The following STK35 variants were observed in gnomAD, a reference collection of about 807,000 sequenced individuals.
STK35 encodes serine/threonine kinase 35.
A neutral mutation model predicts 37.3 loss-of-function variants in STK35; 17 were observed. The observed-to-expected ratio is 0.46, with a 90% CI of 0.31 to 0.68. The LOEUF is 0.68. Ranked by LOEUF, STK35 falls within the 30% of genes least tolerant of loss-of-function variation. The pLI is 0.05. For synonymous variants in STK35, 385 were observed against 319.1 expected, an observed-to-expected ratio of 1.21 and a Z score of -2.20; for missense variants, 595 against 746.7, an observed-to-expected ratio of 0.80 and a Z score of 2.37.
intron 3 of STK35, among the ~76,000 whole-genome samples, chr20:2,121,456 A>G (rs555914247): frequency 1.2e-4 from 18 of 152,342 alleles, no homozygotes; most frequent in East Asian, 3.9e-4. Context: ...TAGAGCTGCC[A>G]TTAAATAAGA....
chr20:2,103,447 C>A, intron 2 of STK35, 82 bp downstream of exon 2: 1 of 1,342,618 alleles, frequency 7.4e-7, no homozygotes, highest in Non-Finnish European at 1.0e-6. Context: ...CTGTTCCTGG[C>A]CTTCCTAGGC....
At chr20:2,130,708 G>A (rs1600615920) in intron 3 of STK35, among the ~76,000 whole-genome samples, 2 of 152,130 alleles carry the variant, frequency 1.3e-5, no homozygotes, top group South Asian at 2.1e-4. Context: ...TTAGGGAAAG[G>A]CATACAGGGG....
chr20:2,133,327 T>C (rs1986030933), intron 3 of STK35, among the ~76,000 whole-genome samples: 1 of 152,226 alleles, frequency 6.6e-6, no homozygotes, highest in Admixed American at 6.5e-5. Flanking sequence ...GGGCTCTTTC[T>C]TTGCTAATCA....
rs1444076010 is a variant in STK35, at chr20:2,148,045, G to A, written c.*4299G>A. On this transcript the variant is annotated 3_prime_UTR_variant, in exon 4 of 4. Transcript: ENST00000381482. ...TGTTAGCATCTACAGCCATCACCGA[G>A]ATGAGTCCACTGCCGTTGCCTGCCC... 7.4e-6 allele frequency: 1 copy of A among 134,930 alleles called. No individual in the cohort carries two copies. Among genetic ancestry groups the A allele is most frequent in the Non-Finnish European group, 1.6e-5 (1 of 64,458 alleles). 8.4% of individuals were successfully genotyped at this position (134,930 alleles called of 1,614,324 possible).
Position 2,117,479 on chromosome 20 carries a change from A to C in STK35, c.*37+64A>C, listed in dbSNP as rs779104970. 4.8e-5 allele frequency: 45 copies of C among 939,830 alleles called. No homozygotes were observed. The highest frequency in any genetic ancestry group is 7.0e-5 in the Non-Finnish European group (45 of 639,370). 58.2% of individuals were successfully genotyped at this position (939,830 alleles called of 1,614,324 possible). The stretch of plus-strand genomic sequence containing the variant: ...GAGACAGGGTCTCACTCTGTTGGTC[A>C]GGCTGGGGTGCAGCGGGTGCAGTGG... On this transcript the variant is annotated intron_variant, in intron 3 of 3. Transcript: ENST00000381482. This position sits in a 1 kb window ranked among gnomAD's most constrained non-coding sequence, Gnocchi z 4.4.
chr20:2,137,945 G>T (rs1371134979), intron 3 of STK35, among the ~76,000 whole-genome samples: 5 of 152,226 alleles, frequency 3.3e-5, no homozygotes, highest in African/African-American at 1.2e-4. Flanking sequence ...CTGTGCACTT[G>T]TGAGGCCTGC....
At chr20:2,142,737 A>T (rs1175994106) in intron 3 of STK35, among the ~76,000 whole-genome samples, 1 of 152,206 alleles carries the variant, frequency 6.6e-6, no homozygotes, top group Non-Finnish European at 1.5e-5. Context: ...AGCCTGGGTG[A>T]CAGAGCAAGA....
chr20:2,110,312 T>C (rs903556033), intron 2 of STK35, among the ~76,000 whole-genome samples: 1 of 152,268 alleles, frequency 6.6e-6, no homozygotes, highest in African/African-American at 2.4e-5. Flanking sequence ...TTTATAATTT[T>C]AATATTCTGC....
At chr20:2,122,646 G>A (rs1197777150) in intron 3 of STK35, among the ~76,000 whole-genome samples, 1 of 152,160 alleles carries the variant, frequency 6.6e-6, no homozygotes, top group East Asian at 1.9e-4. Flanking sequence ...AAATGGAGTT[G>A]ATCCTATATA....
At chr20:2,103,913 G>C (rs541438939) in intron 2 of STK35, among the ~76,000 whole-genome samples, 4 of 152,206 alleles carry the variant, frequency 2.6e-5, no homozygotes, top group Admixed American at 2.6e-4. Flanking sequence ...TTCATCCCAG[G>C]CAGCCGAGCA....
At chr20:2,134,426 C>T (rs1324662683) in intron 3 of STK35, among the ~76,000 whole-genome samples, 2 of 152,212 alleles carry the variant, frequency 1.3e-5, no homozygotes, top group East Asian at 3.9e-4. Flanking sequence ...CCCAGCCACA[C>T]AAGTTGTACG....
In STK35 at chr20:2,117,452, T is replaced by A; in HGVS notation, c.*37+37T>A. ...CTGTTGTTGTTTTTTGTTTTTTGTTTTGAGACAGGGTCTCACTCTGTTGGT... is the reference window on the plus strand; with the variant it reads ...CTGTTGTTGTTTTTTGTTTTTTGTTATGAGACAGGGTCTCACTCTGTTGGT... On this transcript the variant is annotated intron_variant, in intron 3 of 3. Coordinates refer to ENST00000381482, the MANE Select transcript of STK35 (RefSeq NM_080836.4). This position sits in a 1 kb window ranked among gnomAD's most constrained non-coding sequence, Gnocchi z 4.4. 7.8e-7 allele frequency: 1 copy of A among 1,275,338 alleles called. No homozygotes were observed. The highest frequency in any genetic ancestry group is 1.1e-6 in the Non-Finnish European group (1 of 920,258). 79.0% of individuals were successfully genotyped at this position (1,275,338 alleles called of 1,614,324 possible).
rs1440682860 is a variant in STK35 at position 2,125,008 on chromosome 20, T to C, written c.*37+7593T>C. Among the ~76,000 whole-genome samples the C allele has an allele frequency of 2.0e-5, 3 of 152,222 alleles. No individual in the cohort carries two copies. In the East Asian group the frequency reaches 5.8e-4, roughly 29 times the overall value. ...AGGGATCATCTGTCCCTTGCAGCTC[T>C]GCAGGACTTGAAAGCATCCATGAGG... On this transcript the variant is annotated intron_variant, in intron 3 of 3. Transcript: ENST00000381482.
chr20:2,141,464 T>C (rs1340140030), intron 3 of STK35, among the ~76,000 whole-genome samples: 1 of 152,196 alleles, frequency 6.6e-6, no homozygotes, highest in Admixed American at 6.5e-5. Flanking sequence ...CGTTTGGCAG[T>C]GTGGAAGCTC....
chr20:2,133,543 T>C (rs1322135099), intron 3 of STK35, among the ~76,000 whole-genome samples: 1 of 152,220 alleles, frequency 6.6e-6, no homozygotes, highest in Non-Finnish European at 1.5e-5. Flanking sequence ...TTAAAGTGCT[T>C]AGAGGAACTA....
chr20:2,136,061 A>T (rs749371478), intron 3 of STK35, among the ~76,000 whole-genome samples: 2 of 150,964 alleles, frequency 1.3e-5, no homozygotes, highest in African/African-American at 5.0e-5. Flanking sequence ...TCATAAGTCT[A>T]CTCTTTTCAT....
intron 3 of STK35, among the ~76,000 whole-genome samples, chr20:2,123,086 T>A (rs1480394466): frequency 6.6e-6 from 1 of 152,052 alleles, no homozygotes. Flanking sequence ...AGGGAGAGTG[T>A]TGTGGGATGA....
Position 2,101,889 on chromosome 20 carries a change from A to G in STK35, c.8A>G (p.His3Arg). 1.4e-6 allele frequency: 2 copies of G among 1,440,916 alleles called. No individual in the cohort carries two copies. Among genetic ancestry groups the G allele is most frequent in the South Asian group, 2.7e-5 (2 of 73,382 alleles). The allele number at this position is 1,440,916 out of a possible 1,614,324, so 89.3% of individuals were successfully genotyped here. The change falls in exon 1 of 4, where the codon CAC becomes CGC. Residue 3 changes from histidine to arginine, a missense_variant. This residue lies in a region of STK35 where 389 missense variants were observed against 320.0 expected (regional missense o/e 1.22). Coordinates refer to ENST00000381482, the MANE Select transcript of STK35 (RefSeq NM_080836.4). ...CGGCTGGCGTCCCGGGGGATGGGCC[A>G]CCAGGAGTCTCCGCTGGCCCGGGCG... MGHQESPLARAPA... is the reference protein window; with the variant it reads MGRQESPLARAPA...
intron 3 of STK35, among the ~76,000 whole-genome samples, chr20:2,132,087 CA>C (rs1986010565): frequency 6.6e-6 from 1 of 152,182 alleles, no homozygotes; most frequent in African/African-American, 2.4e-5. Context: ...CCCCAACTCC[CA>C]CTCCAGAGAA....
Sources: gnomAD v4.1 joint callset for allele counts (sites outside exome capture counted in the v4.1 genomes callset) on GRCh38, gnomAD v4.1.1 for gene constraint, gnomAD v4.1.1 regional missense constraint, Gnocchi (gnomAD v3.1) non-coding constraint, MANE v1.5 for transcripts, NCBI Gene and HGNC (gene_info 2026-07-23, HGNC 2026-07-21) for gene names.